SRCAP: variants seen among roughly 807,000 people sequenced by gnomAD.
SRCAP encodes Snf2 related CREBBP activator protein.
A neutral mutation model predicts 263.1 loss-of-function variants in SRCAP; 46 were observed. The ratio of observed to expected loss-of-function variants is 0.17; its 90% CI spans 0.14 to 0.22. The LOEUF (loss-of-function observed/expected upper bound fraction) is 0.22, where lower values mean the gene tolerates loss of function less well. Among genes scored for constraint, SRCAP ranks in the 10% least tolerant of loss-of-function variants. SRCAP has a pLI of 1.00. For synonymous variants in SRCAP, 1,813 were observed against 1,662.1 expected (o/e 1.09, Z -2.21); for missense variants, 3,695 against 4,181.9 (o/e 0.88, Z 3.21).
At chr16:30,723,271 G>T in intron 24 of SRCAP, 42 bp downstream of exon 24, 1 of 1,562,264 alleles carries the variant, frequency 6.4e-7, no homozygotes, top group Non-Finnish European at 8.7e-7. Flanking sequence ...TGCCAGGAAT[G>T]GAGACGAGAT....
Position 30,733,650 on chromosome 16 carries a change from C to T in SRCAP, c.6346C>T (p.Leu2116Phe). ...NADKRIFCFI[L>F]STRSGGVGVN... ...AGACAAACGCATATTCTGCTTCATC[C>T]TTTCAACTCGGAGTGGGGGTGTGGG... is the stretch of plus-strand genomic sequence containing the variant. Residue 2116 changes from leucine to phenylalanine, a missense_variant, in exon 29 of 34, where the codon CTT becomes TTT. Leu to Phe is a conservative substitution (Grantham distance 22). Around this residue, in one of 12 missense-constraint regions of SRCAP, gnomAD observed 138 missense variants for 254.9 expected, o/e 0.54. Transcript: ENST00000262518. The surrounding 1 kb of genome is among the most constrained non-coding windows in gnomAD (Gnocchi z 5.3). The T allele has an allele frequency of 6.2e-7, 1 of 1,614,118 alleles. No homozygotes were observed. The highest frequency in any genetic ancestry group is 8.5e-7 in the Non-Finnish European group (1 of 1,180,024).
intron 18 of SRCAP, among the ~76,000 whole-genome samples, 199 bp from the exon 19 acceptor site, chr16:30,719,963 C>T (rs1189135736): frequency 2.6e-5 from 4 of 152,202 alleles, no homozygotes; most frequent in Non-Finnish European, 5.9e-5. Context: ...CCGCCACAGT[C>T]GTTTCTGGCG....
Position 30,739,245 on chromosome 16 carries a change from C to T in SRCAP, c.9205C>T (p.Leu3069Phe), listed in dbSNP as rs2053196685. The T allele has an allele frequency of 6.2e-7, 1 of 1,613,804 alleles. No individual in the cohort carries two copies. Among genetic ancestry groups the T allele is most frequent in the Non-Finnish European group, 8.5e-7 (1 of 1,180,034 alleles). Residue 3069 changes from leucine (L) to phenylalanine (F), a missense_variant, in exon 34 of 34, where the codon CTT (leucine) becomes TTT (phenylalanine). Coordinates refer to ENST00000262518, the MANE Select transcript of SRCAP (RefSeq NM_006662.3). ...CCGCCCCCTCACCCGCCTGGCCCGCCTTCGGCTTGAAGCAGAAGGAATGCG... is the reference window on the plus strand; with the variant it reads ...CCGCCCCCTCACCCGCCTGGCCCGCTTTCGGCTTGAAGCAGAAGGAATGCG... Reference protein sequence around the residue: ...GSRPLTRLARLRLEAEGMRGR... With the variant: ...GSRPLTRLARFRLEAEGMRGR...
At chr16:30,701,852 G>A (rs2151283235) in intron 3 of SRCAP, among the ~76,000 whole-genome samples, 1 of 151,234 alleles carries the variant, frequency 6.6e-6, no homozygotes, top group African/African-American at 2.4e-5. Context: ...GGCTGGTCTT[G>A]AACTCCTGAC....
At chr16:30,705,545 G>A (rs1458628138) in intron 4 of SRCAP, among the ~76,000 whole-genome samples, 4 of 146,724 alleles carry the variant, frequency 2.7e-5, no homozygotes, top group Admixed American at 1.4e-4. Flanking sequence ...GACTACAGGC[G>A]CCCGCCATCA....
chr16:30,720,225 G>C lies in SRCAP; in HGVS notation c.2881G>C (p.Asp961His). The C allele has an allele frequency of 1.2e-6, 2 of 1,614,180 alleles. No homozygotes were observed. ...LEGRVSRYEA[D>H]TFLPRHRLSR... Reference sequence around the variant, plus strand: ...AGGTCGTGTCTCTCGATATGAGGCAGACACATTTCTGCCCCGGCACCGCCT... The same window carrying C: ...AGGTCGTGTCTCTCGATATGAGGCACACACATTTCTGCCCCGGCACCGCCT... The change falls in exon 19 of 34, where the codon GAC becomes CAC. Residue 961 changes from aspartate (D) to histidine (H), a missense_variant. This residue lies in a region of SRCAP where 147 missense variants were observed against 212.7 expected (regional missense o/e 0.69). Transcript: ENST00000262518.
rs780130281 is a variant in SRCAP at position 30,724,659 on chromosome 16, G to T, written c.5235G>T (p.Thr1745=). 4.3e-6 allele frequency: 7 copies of T among 1,613,678 alleles called. No homozygotes were observed. The highest frequency in any genetic ancestry group is 1.7e-4 in the Middle Eastern group (1 of 6,058). ...GACCACCACTGGGTCCAACTCAGAC[G>T]CTGTCTCTGGCTCCAGCACCCCCTC... The part of the protein sequence containing the change: ...APGPPLGPTQ[T]LSLAPAPPLA... Residue 1745 remains threonine, a synonymous_variant, in exon 25 of 34, where the codon ACG becomes ACT. Coordinates refer to ENST00000262518, the MANE Select transcript of SRCAP (RefSeq NM_006662.3).
rs780465748 is a variant in SRCAP at position 30,739,511 on chromosome 16, A to G, written c.9471A>G (p.Leu3157=). The change falls in exon 34 of 34, where the codon CTA becomes CTG. Residue 3157 remains leucine (L), a synonymous_variant. Coordinates refer to ENST00000262518, the MANE Select transcript of SRCAP (RefSeq NM_006662.3). The part of the protein sequence containing the change: ...GSPGLAKRGR[L]QPPSPLGPEG... Reference sequence around the variant, plus strand: ...CTGGGCTGGCAAAGCGGGGCCGCCTACAGCCCCCAAGTCCCCTGGGGCCTG... The same window carrying G: ...CTGGGCTGGCAAAGCGGGGCCGCCTGCAGCCCCCAAGTCCCCTGGGGCCTG... 3.7e-6 allele frequency: 6 copies of G among 1,613,000 alleles called. No homozygotes were observed. In the South Asian group the frequency reaches 6.6e-5, roughly 18 times the overall value.
chr16:30,711,830 T>C lies in SRCAP; in HGVS notation c.1493-5T>C, dbSNP rs2052895973. 6.2e-7 allele frequency: 1 copy of C among 1,613,722 alleles called. No individual in the cohort carries two copies. The highest frequency in any genetic ancestry group is 8.5e-7 in the Non-Finnish European group (1 of 1,179,892). On this transcript the variant is annotated splice_polypyrimidine_tract_variant and splice_region_variant and intron_variant, in intron 11 of 33. Coordinates refer to ENST00000262518, the MANE Select transcript of SRCAP (RefSeq NM_006662.3). Reference sequence around the variant, plus strand: ...TGAGCAGTAAGCCTTGGTCTTACCCTTTAGACTCTGTGGAGGACCGGAGTG... The same window carrying C: ...TGAGCAGTAAGCCTTGGTCTTACCCCTTAGACTCTGTGGAGGACCGGAGTG...
chr16:30,733,492 C>G lies in SRCAP; in HGVS notation c.6297+43C>G. On this transcript the variant is annotated intron_variant, in intron 28 of 33. Coordinates refer to ENST00000262518, the MANE Select transcript of SRCAP (RefSeq NM_006662.3). The surrounding 1 kb of genome is among the most constrained non-coding windows in gnomAD (Gnocchi z 5.3). ...AGCTCTTAGAGGCTCACCTCCGCTTCTCTCTCCTTTTCCCAGGATTTGGGC... is the reference window on the plus strand; with the variant it reads ...AGCTCTTAGAGGCTCACCTCCGCTTGTCTCTCCTTTTCCCAGGATTTGGGC... The G allele has an allele frequency of 6.2e-7, 1 of 1,611,482 alleles. No homozygotes were observed. Among genetic ancestry groups the G allele is most frequent in the Non-Finnish European group, 8.5e-7 (1 of 1,178,136 alleles).
intron 13 of SRCAP, 105 bp downstream of exon 13, chr16:30,712,544 C>A: frequency 1.3e-6 from 2 of 1,515,930 alleles, no homozygotes; most frequent in South Asian, 1.3e-5. Flanking sequence ...TGACTCCGGT[C>A]ATTAACTGTA....
chr16:30,722,057 G>A, intron 21 of SRCAP, 65 bp from the exon 22 acceptor site: 1 of 1,554,570 alleles, frequency 6.4e-7, no homozygotes. Context: ...TGTGCTTCAT[G>A]GGGTCTGTGA....
intron 19 of SRCAP, 23 bp from the exon 20 acceptor site, chr16:30,720,690 A>G (rs1407598091): frequency 6.4e-7 from 1 of 1,569,092 alleles, no homozygotes; most frequent in Non-Finnish European, 8.7e-7. Context: ...GTCCCTACCC[A>G]CTCTCTTAAT....
intron 23 of SRCAP, 75 bp downstream of exon 23, chr16:30,722,823 C>T (rs1408221270): frequency 1.9e-6 from 3 of 1,552,908 alleles, no homozygotes; most frequent in East Asian, 4.5e-5. Flanking sequence ...TACTGTCTGT[C>T]CAGCCTTCCC....
chr16:30,734,404 C>A, intron 30 of SRCAP, 92 bp from the exon 31 acceptor site: 1 of 1,555,226 alleles, frequency 6.4e-7, no homozygotes, highest in Non-Finnish European at 8.7e-7. Flanking sequence ...CCAGTGGTAC[C>A]CCTGACAGTT....
chr16:30,714,315 C>T (rs1448294090), intron 16 of SRCAP, among the ~76,000 whole-genome samples: 3 of 151,008 alleles, frequency 2.0e-5, no homozygotes, highest in African/African-American at 4.9e-5. Flanking sequence ...CCGCCTGCCT[C>T]GGCCTCCCAA....
chr16:30,708,822 C>T (rs1172630333), intron 6 of SRCAP, among the ~76,000 whole-genome samples: 1 of 151,942 alleles, frequency 6.6e-6, no homozygotes, highest in Admixed American at 6.6e-5. Flanking sequence ...CTTCACCTAC[C>T]TGTTTTTTTG....
In SRCAP at chr16:30,739,333, A is replaced by C; in HGVS notation, c.9293A>C (p.Asp3098Ala). 6.2e-7 allele frequency: 1 copy of C among 1,614,160 alleles called. No individual in the cohort carries two copies. Among genetic ancestry groups the C allele is most frequent in the South Asian group, 1.1e-5 (1 of 91,090 alleles). The change falls in exon 34 of 34, where the codon GAT (aspartate) becomes GCT (alanine). Residue 3098 changes from aspartate to alanine, a missense_variant. This residue lies in a region of SRCAP where 1,207 missense variants were observed against 1,142.9 expected (regional missense o/e 1.06). Coordinates refer to ENST00000262518, the MANE Select transcript of SRCAP (RefSeq NM_006662.3). Reference sequence around the variant, plus strand: ...ATTCAGGATGACCTGGACTTAGCAGATAGCGGGCCAGGCGGGTTGGAATTG... The same window carrying C: ...ATTCAGGATGACCTGGACTTAGCAGCTAGCGGGCCAGGCGGGTTGGAATTG... ...AVIQDDLDLADSGPGGLELTP... is the reference protein window; with the variant it reads ...AVIQDDLDLAASGPGGLELTP...
At position 30,737,210 on chromosome 16, in the gene SRCAP, G is replaced by A. The variant is rs1422837915; in HGVS notation, c.7170G>A (p.Arg2390=). 5 of 1,613,946 alleles carry A rather than the reference G, an allele frequency of 3.1e-6. No homozygotes were observed. Among genetic ancestry groups the A allele is most frequent in the Non-Finnish European group, 3.4e-6 (4 of 1,180,020 alleles). Residue 2390 remains arginine (R), a synonymous_variant, in exon 34 of 34, where the codon AGG becomes AGA. Transcript: ENST00000262518. ...RRSKKAKAPE[R]PGTRVSERLR... ...GTAAAAAGGCCAAAGCCCCTGAGAGGCCGGGGACTCGTGTCAGTGAGCGTC... is the reference window on the plus strand; with the variant it reads ...GTAAAAAGGCCAAAGCCCCTGAGAGACCGGGGACTCGTGTCAGTGAGCGTC...
Sources: allele counts gnomAD v4.1 joint callset (sites outside exome capture counted in the v4.1 genomes callset), GRCh38; gene constraint gnomAD v4.1.1; regional missense constraint gnomAD v4.1.1; non-coding constraint Gnocchi (gnomAD v3.1); transcripts MANE v1.5; gene names NCBI Gene and HGNC (gene_info 2026-07-23, HGNC 2026-07-21).